Variants in PDGFC observed in about 807,000 individuals in gnomAD.
PDGFC encodes platelet derived growth factor C, also known as platelet-derived growth factor C.
In PDGFC, 12 loss-of-function variants were observed where a neutral mutation model predicts 35.5. That is an observed-to-expected ratio of 0.34 (90% confidence interval 0.22 to 0.55). The LOEUF is 0.55. Among genes scored for constraint, PDGFC ranks in the 20% least tolerant of loss-of-function variants. PDGFC has a pLI of 0.91. For synonymous variants in PDGFC, 159 were observed against 148.8 expected (o/e 1.07, Z -0.50); for missense variants, 322 against 412.4 (o/e 0.78, Z 1.90).
At chr4:156,809,696 G>T (rs1579023258) in intron 3 of PDGFC, among the ~76,000 whole-genome samples, 1 of 138,138 alleles carries the variant, frequency 7.2e-6, no homozygotes, top group African/African-American at 3.2e-5. Context: ...GATAATCTAT[G>T]TAGTCACAAA....
chr4:156,832,695 G>A (rs1026368419), intron 2 of PDGFC, among the ~76,000 whole-genome samples: 8 of 152,198 alleles, frequency 5.3e-5, no homozygotes, highest in South Asian at 2.1e-4. Context: ...TTTGAACTGC[G>A]TGGGTCCAGT....
chr4:156,812,634 G>T (rs570463483), intron 2 of PDGFC, among the ~76,000 whole-genome samples: 5 of 152,056 alleles, frequency 3.3e-5, no homozygotes, highest in Admixed American at 6.6e-5. Flanking sequence ...AAGACAAAGT[G>T]TATAATGAAA....
At chr4:156,857,386 TC>T in intron 1 of PDGFC, among the ~76,000 whole-genome samples, 1 of 152,248 alleles carries the variant, frequency 6.6e-6, no homozygotes, top group East Asian at 1.9e-4. Context: ...ATTTCAAATT[TC>T]TGATTTACTT....
chr4:156,905,415 TA>T (rs1730892349), intron 1 of PDGFC, among the ~76,000 whole-genome samples: 1 of 152,134 alleles, frequency 6.6e-6, no homozygotes, highest in African/African-American at 2.4e-5. Context: ...CATTTATGTT[TA>T]TTTTTTTCTC....
chr4:156,832,718 T>A (rs1486879865), intron 2 of PDGFC, among the ~76,000 whole-genome samples: 1 of 152,186 alleles, frequency 6.6e-6, no homozygotes, highest in Non-Finnish European at 1.5e-5. Flanking sequence ...TATGTGGAAT[T>A]TTTTCAACCA....
chr4:156,802,964 CGCAAACAAGGAA>C (rs1731658229), intron 3 of PDGFC, among the ~76,000 whole-genome samples: 1 of 152,072 alleles, frequency 6.6e-6, no homozygotes, highest in East Asian at 1.9e-4. Context: ...TTACTCTCTT[CGCAAACAAGGAA>C]GTAAATTGAG....
chr4:156,796,172 C>A (rs1053508861), intron 3 of PDGFC, among the ~76,000 whole-genome samples: 1 of 152,132 alleles, frequency 6.6e-6, no homozygotes, highest in Non-Finnish European at 1.5e-5. Flanking sequence ...AAGTTTTCCT[C>A]CTTACCCAAG....
intron 1 of PDGFC, among the ~76,000 whole-genome samples, chr4:156,887,804 A>G (rs1180702265): frequency 6.6e-6 from 1 of 151,990 alleles, no homozygotes; most frequent in Non-Finnish European, 1.5e-5. Flanking sequence ...ACTTGAGCTC[A>G]AGAGTGCAAC....
At chr4:156,850,048 G>A (rs1161016754) in intron 2 of PDGFC, among the ~76,000 whole-genome samples, 173 bp downstream of exon 2, 1 of 151,960 alleles carries the variant, frequency 6.6e-6, no homozygotes, top group Non-Finnish European at 1.5e-5. Flanking sequence ...TGTGTCTTCC[G>A]ATTTTAAATG....
At chr4:156,870,641 T>C (rs1294523377) in intron 1 of PDGFC, among the ~76,000 whole-genome samples, 2 of 151,938 alleles carry the variant, frequency 1.3e-5, no homozygotes, top group African/African-American at 4.8e-5. Context: ...TTAATCCAAA[T>C]TTATTTAATA....
intron 1 of PDGFC, among the ~76,000 whole-genome samples, chr4:156,904,413 C>A (rs1329422281): frequency 1.3e-5 from 2 of 152,016 alleles, no homozygotes; most frequent in Admixed American, 1.3e-4. Flanking sequence ...CCATCTTGAA[C>A]ATTAAATAAA....
At chr4:156,768,523 G>T (rs986104327) in intron 4 of PDGFC, among the ~76,000 whole-genome samples, 5 of 151,916 alleles carry the variant, frequency 3.3e-5, no homozygotes, top group African/African-American at 1.2e-4. Flanking sequence ...AGCATGAAGA[G>T]AACGCACATT....
intron 2 of PDGFC, among the ~76,000 whole-genome samples, chr4:156,849,215 A>G (rs1391916801): frequency 1.3e-5 from 2 of 152,040 alleles, no homozygotes; most frequent in African/African-American, 4.8e-5. Flanking sequence ...AAAGATAATC[A>G]GGGTAGCTTC....
chr4:156,878,997 A>G (rs546266799), intron 1 of PDGFC, among the ~76,000 whole-genome samples: 36 of 152,294 alleles, frequency 2.4e-4, no homozygotes, highest in Admixed American at 1.9e-3. Flanking sequence ...CTTCTCAACC[A>G]TTTGCTATGG....
intron 1 of PDGFC, among the ~76,000 whole-genome samples, chr4:156,945,711 A>T (rs1731931658): frequency 6.6e-6 from 1 of 151,854 alleles, no homozygotes; most frequent in Non-Finnish European, 1.5e-5. Context: ...CTGGCTAAAA[A>T]CTCATAATCT....
chr4:156,951,384 G>T (rs1191216171), intron 1 of PDGFC, among the ~76,000 whole-genome samples: 1 of 151,714 alleles, frequency 6.6e-6, no homozygotes, highest in Non-Finnish European at 1.5e-5. Flanking sequence ...TTGTAAATAT[G>T]CCAGGATCAA....
At position 156,823,280 on chromosome 4, in the gene PDGFC, T is replaced by C. The variant is rs573286525; in HGVS notation, c.315-12263A>G. Among the ~76,000 whole-genome samples the C allele has an allele frequency of 3.3e-5, 5 of 152,286 alleles. No homozygotes were observed. In the South Asian group the frequency reaches 8.3e-4, roughly 25 times the overall value. The stretch of plus-strand genomic sequence containing the variant: ...AATAAAATAAAATGTGACTATTCAT[T>C]ATCACTTGTGAAAATTCTAATTTAA... On this transcript the variant is annotated intron_variant, in intron 2 of 5. Coordinates refer to ENST00000502773, the MANE Select transcript of PDGFC (RefSeq NM_016205.3).
At chr4:156,937,541 A>C (rs1322585563) in intron 1 of PDGFC, among the ~76,000 whole-genome samples, 3 of 148,282 alleles carry the variant, frequency 2.0e-5, no homozygotes, top group Middle Eastern at 3.2e-3. Flanking sequence ...CTCTACAAAG[A>C]ATACAAAAAA....
intron 4 of PDGFC, among the ~76,000 whole-genome samples, chr4:156,772,470 C>T (rs1019082307): frequency 1.3e-5 from 2 of 151,976 alleles, no homozygotes; most frequent in Non-Finnish European, 2.9e-5. Flanking sequence ...AGAAGTATCC[C>T]CCTTTCAATT....
Sources: gnomAD v4.1 joint callset for allele counts (sites outside exome capture counted in the v4.1 genomes callset) on GRCh38, gnomAD v4.1.1 for gene constraint, MANE v1.5 for transcripts, NCBI Gene and HGNC (gene_info 2026-07-23, HGNC 2026-07-21) for gene names.